Variants in ADGRB3 observed in about 807,000 individuals in gnomAD.
The protein encoded by ADGRB3 is brain-specific angiogenesis inhibitor 3.
A neutral mutation model predicts 193.4 loss-of-function variants in ADGRB3; 37 were observed. The ratio of observed to expected loss-of-function variants is 0.19; its 90% confidence interval spans 0.15 to 0.25. The LOEUF (loss-of-function observed/expected upper bound fraction) is 0.25, where lower values mean the gene tolerates loss of function less well. Among genes scored for constraint, ADGRB3 ranks in the 10% least tolerant of loss-of-function variants. The probability of loss-of-function intolerance (pLI) is 1.00; values close to 1 mark genes in which losing one functional copy is unlikely to be tolerated. For missense variants in ADGRB3, 1,637 were observed against 1,852.9 expected (o/e 0.88, Z 2.14); for synonymous variants, 690 against 644.2 (o/e 1.07, Z -1.08).
chr6:68,699,807 A>G (rs1034866534), intron 3 of ADGRB3, among the ~76,000 whole-genome samples: 2 of 151,552 alleles, frequency 1.3e-5, no homozygotes, highest in East Asian at 2.0e-4. Flanking sequence ...CCTTCACCCA[A>G]GCAGTAGGTG....
At chr6:69,227,968 T>TA (rs1243552743) in intron 17 of ADGRB3, among the ~76,000 whole-genome samples, 1 of 152,078 alleles carries the variant, frequency 6.6e-6, no homozygotes, top group African/African-American at 2.4e-5. Context: ...AAAAGATCAT[T>TA]ACATGGGCCG....
chr6:68,685,326 A>C (rs544948970), intron 3 of ADGRB3, among the ~76,000 whole-genome samples: 2 of 152,272 alleles, frequency 1.3e-5, no homozygotes, highest in Admixed American at 1.3e-4. Context: ...CTGAAACAAA[A>C]AGTGAATTAT....
chr6:69,323,627 T>C (rs909361488), intron 20 of ADGRB3, among the ~76,000 whole-genome samples: 2 of 152,022 alleles, frequency 1.3e-5, no homozygotes, highest in East Asian at 1.9e-4. Context: ...ATGATGATAA[T>C]AGTTATATTT....
chr6:68,985,879 T>C (rs756899003), intron 10 of ADGRB3, among the ~76,000 whole-genome samples: 4 of 152,062 alleles, frequency 2.6e-5, no homozygotes, highest in South Asian at 2.1e-4. Context: ...CTGCTTCTGA[T>C]TGGGGAGGTT....
At chr6:69,112,434 T>G (rs1315477512) in intron 17 of ADGRB3, among the ~76,000 whole-genome samples, 3 of 152,176 alleles carry the variant, frequency 2.0e-5, no homozygotes, top group Non-Finnish European at 4.4e-5. Flanking sequence ...GGCTAGGGAA[T>G]GTAGTCTCTG....
intron 17 of ADGRB3, among the ~76,000 whole-genome samples, chr6:69,168,796 T>C (rs1039593304): frequency 5.3e-5 from 8 of 152,152 alleles, no homozygotes; most frequent in Admixed American, 2.0e-4. Flanking sequence ...TATCATTTTG[T>C]CCTCTTTTAA....
At chr6:69,228,926 T>A (rs1016461392) in intron 17 of ADGRB3, among the ~76,000 whole-genome samples, 4 of 152,202 alleles carry the variant, frequency 2.6e-5, no homozygotes, top group Non-Finnish European at 5.9e-5. Flanking sequence ...TTGGAAAAGA[T>A]CAGTGGTTCT....
intron 13 of ADGRB3, among the ~76,000 whole-genome samples, chr6:69,038,742 G>T (rs1310070137): frequency 1.3e-5 from 2 of 152,046 alleles, no homozygotes; most frequent in Non-Finnish European, 2.9e-5. Context: ...GCATTCAATA[G>T]ATAACAAAAT....
intron 3 of ADGRB3, among the ~76,000 whole-genome samples, chr6:68,676,389 CAAAAAAAAAA>C (rs70987431): frequency 1.2e-5 from 1 of 84,638 alleles, no homozygotes; most frequent in Non-Finnish European, 2.4e-5. Flanking sequence ...GACTCTGTCT[CAAAAAAAAAA>C]AAAAAAAAAA....
intron 3 of ADGRB3, among the ~76,000 whole-genome samples, chr6:68,720,957 G>C (rs1173248489): frequency 6.6e-6 from 1 of 151,456 alleles, no homozygotes; most frequent in Non-Finnish European, 1.5e-5. Flanking sequence ...AAAGTTTTTT[G>C]TTCTTCAAAA....
chr6:68,917,774 T>C (rs1766923909), intron 3 of ADGRB3, among the ~76,000 whole-genome samples: 1 of 152,208 alleles, frequency 6.6e-6, no homozygotes, highest in Admixed American at 6.5e-5. Context: ...CACATTTTAC[T>C]TTATCAATAT....
intron 17 of ADGRB3, among the ~76,000 whole-genome samples, chr6:69,197,860 T>C (rs1316611832): frequency 3.3e-5 from 5 of 152,132 alleles, no homozygotes; most frequent in African/African-American, 9.6e-5. Flanking sequence ...TTTATGTGCA[T>C]GGAGCTTTTC....
At chr6:68,833,473 T>C (rs1767990446) in intron 3 of ADGRB3, among the ~76,000 whole-genome samples, 1 of 151,218 alleles carries the variant, frequency 6.6e-6, no homozygotes. Context: ...AATTTGAAAA[T>C]CGAATCATTG....
chr6:69,354,420 CA>C, intron 27 of ADGRB3, 92 bp downstream of exon 27: 1 of 1,099,616 alleles, frequency 9.1e-7, no homozygotes, highest in Non-Finnish European at 1.4e-6. Context: ...GTAAAATTTT[CA>C]TTTTGATTGA....
At position 69,004,514 on chromosome 6, in the gene ADGRB3, T is replaced by C. The variant is rs562986591; in HGVS notation, c.1930-9524T>C. Among the ~76,000 whole-genome samples the C allele has an allele frequency of 7.9e-5, 12 of 151,844 alleles. No individual in the cohort carries two copies. The East Asian group carries it at 1.2e-3, about 15-fold the overall frequency. On this transcript the variant is annotated intron_variant, in intron 11 of 31. Coordinates refer to ENST00000370598, the MANE Select transcript of ADGRB3 (RefSeq NM_001704.3). ...GTGCCATGTTGGTGTGCTGCACCCA[T>C]TAACTAGTCATTTACATTAGGTGTT... is the stretch of plus-strand genomic sequence containing the variant.
chr6:69,057,871 A>C (rs1771592207), intron 15 of ADGRB3, among the ~76,000 whole-genome samples: 2 of 151,996 alleles, frequency 1.3e-5, no homozygotes, highest in Non-Finnish European at 2.9e-5. Context: ...AATATTTATT[A>C]AGGATATTTG....
chr6:69,057,670 T>A (rs965226694), intron 15 of ADGRB3, among the ~76,000 whole-genome samples: 2 of 152,244 alleles, frequency 1.3e-5, no homozygotes, highest in South Asian at 4.1e-4. Flanking sequence ...ACATGCTTTT[T>A]AAAAATCAAT....
intron 17 of ADGRB3, among the ~76,000 whole-genome samples, chr6:69,092,181 T>C (rs1772728740): frequency 6.6e-6 from 1 of 152,202 alleles, no homozygotes; most frequent in Admixed American, 6.5e-5. Context: ...TTAAATTTTG[T>C]CATGATCTTC....
chr6:69,033,128 T>C (rs919602682), intron 13 of ADGRB3, among the ~76,000 whole-genome samples: 1 of 152,150 alleles, frequency 6.6e-6, no homozygotes, highest in Non-Finnish European at 1.5e-5. Context: ...CTCAGACTTC[T>C]AGGCAGATAT....
Sources: allele counts gnomAD v4.1 joint callset (sites outside exome capture counted in the v4.1 genomes callset), GRCh38; gene constraint gnomAD v4.1.1; transcripts MANE v1.5; gene names NCBI Gene and HGNC (gene_info 2026-07-23, HGNC 2026-07-21).